GADD45A: variants seen among roughly 807,000 people sequenced by gnomAD.
GADD45A encodes the protein growth arrest and DNA damage inducible alpha, also known as growth arrest and DNA damage-inducible protein GADD45 alpha.
A neutral mutation model predicts 17.7 loss-of-function variants in GADD45A; 9 were observed. That is an observed-to-expected ratio of 0.51 (90% CI 0.31 to 0.89). The LOEUF (loss-of-function observed/expected upper bound fraction) is 0.89. Ranked by LOEUF, GADD45A falls within the 40% of genes least tolerant of loss-of-function variation. GADD45A has a pLI of 0.05. For synonymous variants in GADD45A, 95 were observed against 92.2 expected, an observed-to-expected ratio of 1.03 and a Z score of -0.17; for missense variants, 149 against 220.6, an observed-to-expected ratio of 0.68 and a Z score of 2.06.
Position 67,685,464 on chromosome 1 carries a change from C to T in GADD45A, c.-31C>T, listed in dbSNP as rs376268952. ...TGGCAGGAGCAGCCCGCACGCCGCGCTCTCTCCCTGGGCGACCTGCAGTTT... is the reference window on the plus strand; with the variant it reads ...TGGCAGGAGCAGCCCGCACGCCGCGTTCTCTCCCTGGGCGACCTGCAGTTT... On this transcript the variant is annotated 5_prime_UTR_variant, in exon 1 of 4. Coordinates refer to ENST00000370986, the MANE Select transcript of GADD45A (RefSeq NM_001924.4). 2.4e-5 allele frequency: 39 copies of T among 1,596,984 alleles called. No homozygotes were observed. The Admixed American group carries it at 3.6e-4, about 15-fold the overall frequency.
Position 67,685,545 on chromosome 1 carries a change from C to T in GADD45A, c.44+7C>T, listed in dbSNP as rs754043340. 1.2e-5 allele frequency: 20 copies of T among 1,604,324 alleles called. No individual in the cohort carries two copies. Among genetic ancestry groups the T allele is most frequent in the Non-Finnish European group, 1.7e-5 (20 of 1,174,866 alleles). On this transcript the variant is annotated splice_region_variant and intron_variant, in intron 1 of 3. Transcript: ENST00000370986. ...GAGAGCAGAAGACCGAAAGGTGAGT[C>T]GGCCTGCGGACTCTTCCGGCCCGAA... is the stretch of plus-strand genomic sequence containing the variant.
In GADD45A at chr1:67,685,282, G is replaced by A. The variant is rs1253858265; in HGVS notation, c.-213G>A. On this transcript the variant is annotated 5_prime_UTR_variant, in exon 1 of 4. Coordinates refer to ENST00000370986, the MANE Select transcript of GADD45A (RefSeq NM_001924.4). ...TGGCGAGGCGAGGTCCGGGGAGCGA[G>A]CGAGCAAGCAAGGCGGGAGGGGTGG... 5.8e-6 allele frequency: 3 copies of A among 518,784 alleles called. No homozygotes were observed. Among genetic ancestry groups the A allele is most frequent in the South Asian group, 2.5e-5 (1 of 40,112 alleles). The allele number at this position is 518,784 out of a possible 1,614,324, so 32.1% of individuals were successfully genotyped here.
chr1:67,685,220 C>G lies in GADD45A; in HGVS notation c.-275C>G. ...TCCTCCAGTGGCTGGTAGGCAGTGG[C>G]TGGGAGGCAGCGGCCCAATTAGTGT... On this transcript the variant is annotated 5_prime_UTR_variant, in exon 1 of 4. Transcript: ENST00000370986. The G allele has an allele frequency of 2.1e-6, 1 of 470,248 alleles. No homozygotes were observed. 29.1% of individuals were successfully genotyped at this position (470,248 alleles called of 1,614,324 possible). A position where few individuals can be genotyped will look rare whatever the true frequency, so the allele number is the denominator to read the frequency against.
At position 67,686,460 on chromosome 1, in the gene GADD45A, A is replaced by G. The variant is rs540790481; in HGVS notation, c.257A>G (p.Asp86Gly). 1.4e-5 allele frequency: 23 copies of G among 1,613,810 alleles called. No homozygotes were observed. The highest frequency in any genetic ancestry group is 5.0e-5 in the Admixed American group (3 of 60,026). The change falls in exon 3 of 4, where the codon GAC becomes GGC. Residue 86 changes from aspartate to glycine, a missense_variant. Asp to Gly is a moderately conservative substitution (Grantham distance 94). Transcript: ENST00000370986. Reference protein sequence around the residue: ...TLIQAFCCENDINILRVSNPG... With the variant: ...TLIQAFCCENGINILRVSNPG... ...ATCCAGGCGTTTTGCTGCGAGAACG[A>G]CATCAACATCCTGCGCGTCAGCAAC...
At position 67,686,539 on chromosome 1, in the gene GADD45A, G is replaced by T; in HGVS notation, c.336G>T (p.Ala112=). Residue 112 remains alanine, a synonymous_variant, in exon 3 of 4, where the codon GCG becomes GCT. Coordinates refer to ENST00000370986, the MANE Select transcript of GADD45A (RefSeq NM_001924.4). ...TGGAGACCGACGCTGGCCCCGCGGC[G>T]AGCGAGGGCGCCGAGCAGCCCCCGG... is the stretch of plus-strand genomic sequence containing the variant. ...LLLETDAGPA[A]SEGAEQPPDL... is the part of the protein sequence containing the mutation. 6.2e-7 allele frequency: 1 copy of T among 1,612,420 alleles called. No homozygotes were observed. The highest frequency in any genetic ancestry group is 8.5e-7 in the Non-Finnish European group (1 of 1,179,366).
At chr1:67,685,955 G>C in intron 1 of GADD45A, 70 bp from the exon 2 acceptor site, 1 of 1,004,974 alleles carries the variant, frequency 1.0e-6, no homozygotes, top group Non-Finnish European at 1.5e-6. Context: ...CGTGGTACCG[G>C]ACGAGGGGGG....
At position 67,687,717 on chromosome 1, in the gene GADD45A, C is replaced by G; in HGVS notation, c.441C>G (p.Cys147Trp). ...DPALSQLICF[C>W]RESRYMDQWV... ...CCTTAAGTCAACTTATTTGTTTTTG[C>G]CGGGAAAGTCGCTACATGGATCAAT... The change falls in exon 4 of 4, where the codon TGC (cysteine) becomes TGG (tryptophan). Residue 147 changes from cysteine to tryptophan, a missense_variant. By Grantham distance (215) the Cys-to-Trp change is radical. Coordinates refer to ENST00000370986, the MANE Select transcript of GADD45A (RefSeq NM_001924.4). The G allele has an allele frequency of 6.2e-7, 1 of 1,613,146 alleles. No homozygotes were observed. Among genetic ancestry groups the G allele is most frequent in the Non-Finnish European group, 8.5e-7 (1 of 1,179,696 alleles).
At position 67,686,138 on chromosome 1, in the gene GADD45A, C is replaced by A. The variant is rs1646131849; in HGVS notation, c.146+12C>A. 2 of 1,596,990 alleles carry A rather than the reference C, an allele frequency of 1.3e-6. No homozygotes were observed. Among genetic ancestry groups the A allele is most frequent in the African/African-American group, 1.4e-5 (1 of 73,966 alleles). ...AAGCTGCTCAACGTGTAAGTGGGGC[C>A]CTTGCGCGTCCCCCATGGCACCCCT... On this transcript the variant is annotated intron_variant, in intron 2 of 3. Transcript: ENST00000370986.
At position 67,686,097 on chromosome 1, in the gene GADD45A, G is replaced by T. The variant is rs141754575; in HGVS notation, c.117G>T (p.Gly39=). ...TGAGTCAGCGCACGATCACTGTCGG[G>T]GTGTACGAAGCGGCCAAGCTGCTCA... is the stretch of plus-strand genomic sequence containing the variant. ...KALSQRTITV[G]VYEAAKLLNV... Residue 39 remains glycine (G), a synonymous_variant, in exon 2 of 4, where the codon GGG becomes GGT. Coordinates refer to ENST00000370986, the MANE Select transcript of GADD45A (RefSeq NM_001924.4). 4.3e-6 allele frequency: 7 copies of T among 1,610,926 alleles called. No individual in the cohort carries two copies. The highest frequency in any genetic ancestry group is 1.7e-5 in the Admixed American group (1 of 59,750).
Position 67,685,388 on chromosome 1 carries a change from G to C in GADD45A, c.-107G>C. 9.3e-7 allele frequency: 1 copy of C among 1,072,494 alleles called. No homozygotes were observed. Among genetic ancestry groups the C allele is most frequent in the South Asian group, 1.4e-5 (1 of 70,116 alleles). The allele number at this position is 1,072,494 out of a possible 1,614,324, so 66.4% of individuals were successfully genotyped here. A position where few individuals can be genotyped will look rare whatever the true frequency, so the allele number is the denominator to read the frequency against. ...GGAGAGCGCCAGGGCCTGAGCTGCC[G>C]GAGCGGCGCCTGTGAGTGAGTGCAG... On this transcript the variant is annotated 5_prime_UTR_variant, in exon 1 of 4. Coordinates refer to ENST00000370986, the MANE Select transcript of GADD45A (RefSeq NM_001924.4).
chr1:67,687,001 C>A (rs1168085910), intron 3 of GADD45A, among the ~76,000 whole-genome samples: 1 of 152,060 alleles, frequency 6.6e-6, no homozygotes, highest in Admixed American at 6.5e-5. Flanking sequence ...AGGAGACAAA[C>A]CTTGTTAATT....
rs756452552 is a variant in GADD45A, at chr1:67,685,452, C to G, written c.-43C>G. On this transcript the variant is annotated 5_prime_UTR_variant, in exon 1 of 4. Transcript: ENST00000370986. ...GCGCGCTAGCCGTGGCAGGAGCAGC[C>G]CGCACGCCGCGCTCTCTCCCTGGGC... The G allele has an allele frequency of 1.3e-6, 2 of 1,581,968 alleles. No individual in the cohort carries two copies. Among genetic ancestry groups the G allele is most frequent in the Admixed American group, 1.8e-5 (1 of 56,768 alleles).
At chr1:67,687,500 A>T (rs142915283) in intron 3 of GADD45A, among the ~76,000 whole-genome samples, 161 bp from the exon 4 acceptor site, 102 of 152,300 alleles carry the variant, frequency 6.7e-4, no homozygotes, top group Non-Finnish European at 1.8e-4. Context: ...TTTGCAGGGA[A>T]CCCAACTACC....
rs1646149634 is a variant in GADD45A, at chr1:67,688,296, C to T, written c.*522C>T. On this transcript the variant is annotated 3_prime_UTR_variant, in exon 4 of 4. Transcript: ENST00000370986. ...TATTTATGCTATAAATTTTTTGAAA[C>T]ACAATACCTACAATAAACTGGTATG... The T allele has an allele frequency of 6.5e-6, 1 of 153,280 alleles. No homozygotes were observed. 9.5% of individuals were successfully genotyped at this position (153,280 alleles called of 1,614,324 possible).
intron 1 of GADD45A, 28 bp from the exon 2 acceptor site, chr1:67,685,996 CG>C (rs1646130500): frequency 1.3e-6 from 2 of 1,515,294 alleles, no homozygotes; most frequent in Non-Finnish European, 1.8e-6. Flanking sequence ...CCGGGGCTGA[CG>C]GGACCCCTCG....
chr1:67,687,408 A>G (rs1646143390), intron 3 of GADD45A, among the ~76,000 whole-genome samples: 1 of 152,198 alleles, frequency 6.6e-6, no homozygotes, highest in South Asian at 2.1e-4. Flanking sequence ...CAGATATGCA[A>G]ACATATGTAT....
At position 67,686,594 on chromosome 1, in the gene GADD45A, G is replaced by C; in HGVS notation, c.384+7G>C. On this transcript the variant is annotated splice_region_variant and intron_variant, in intron 3 of 3. Coordinates refer to ENST00000370986, the MANE Select transcript of GADD45A (RefSeq NM_001924.4). ...GCACTGCGTGCTGGTGACGGTAAGG[G>C]ACTGGGGGACTGCAGCCTGCAGGGT... 6.2e-7 allele frequency: 1 copy of C among 1,605,908 alleles called. No individual in the cohort carries two copies. The highest frequency in any genetic ancestry group is 8.5e-7 in the Non-Finnish European group (1 of 1,175,368).
chr1:67,685,913 G>C (rs1248713212), intron 1 of GADD45A, 112 bp from the exon 2 acceptor site: 2 of 687,358 alleles, frequency 2.9e-6, no homozygotes, highest in Non-Finnish European at 4.9e-6. Flanking sequence ...GAGCCCAGGT[G>C]CGCGGTGGTG....
Position 67,686,108 on chromosome 1 carries a change from C to T in GADD45A, c.128C>T (p.Ala43Val). 1 of 1,610,384 alleles carries T rather than the reference C, an allele frequency of 6.2e-7. No individual in the cohort carries two copies. Among genetic ancestry groups the T allele is most frequent in the Non-Finnish European group, 8.5e-7 (1 of 1,178,440 alleles). Residue 43 changes from alanine (A) to valine (V), a missense_variant, in exon 2 of 4, where the codon GCG becomes GTG. Ala to Val is a moderately conservative substitution (Grantham distance 64). Transcript: ENST00000370986. Reference sequence around the variant, plus strand: ...ACGATCACTGTCGGGGTGTACGAAGCGGCCAAGCTGCTCAACGTGTAAGTG... The same window carrying T: ...ACGATCACTGTCGGGGTGTACGAAGTGGCCAAGCTGCTCAACGTGTAAGTG... ...QRTITVGVYE[A>V]AKLLNVDPDN...
Sources: gnomAD v4.1 joint callset for allele counts (sites outside exome capture counted in the v4.1 genomes callset) on GRCh38, gnomAD v4.1.1 for gene constraint, MANE v1.5 for transcripts, NCBI Gene and HGNC (gene_info 2026-07-23, HGNC 2026-07-21) for gene names.